Variants in NMT1 observed in about 807,000 individuals in gnomAD.
NMT1 encodes the protein N-myristoyltransferase 1.
In NMT1, 12 loss-of-function variants were observed where a neutral mutation model predicts 63.4. The ratio of observed to expected loss-of-function variants is 0.19; its 90% CI spans 0.12 to 0.31. The LOEUF (loss-of-function observed/expected upper bound fraction) is 0.31, where lower values mean the gene tolerates loss of function less well. Among genes scored for constraint, NMT1 ranks in the 10% least tolerant of loss-of-function variants. The probability of loss-of-function intolerance (pLI) is 1.00; values close to 1 mark genes in which losing one functional copy is unlikely to be tolerated. For synonymous variants in NMT1, 228 were observed against 234.3 expected, an observed-to-expected ratio of 0.97 and a Z score of 0.25; for missense variants, 432 against 634.6, an observed-to-expected ratio of 0.68 and a Z score of 3.43.
Position 45,065,037 on chromosome 17 carries a change from T to C in NMT1, c.131+3577T>C, listed in dbSNP as rs112867928. Among the ~76,000 whole-genome samples the C allele has an allele frequency of 1.7e-3, 252 of 152,302 alleles. 1 individual carries two copies. Among genetic ancestry groups the C allele is most frequent in the African/African-American group, 5.6e-3 (234 of 41,576 alleles). On this transcript the variant is annotated intron_variant, in intron 1 of 11. Coordinates refer to ENST00000258960, the MANE Select transcript of NMT1 (RefSeq NM_021079.5). ...GTAGCTTTTATCGTAACAATAGTTA[T>C]AATAACAATAAATATAACTACATGT...
chr17:45,102,108 G>A (rs2054170282), intron 8 of NMT1, among the ~76,000 whole-genome samples: 1 of 152,200 alleles, frequency 6.6e-6, no homozygotes, highest in African/African-American at 2.4e-5. Flanking sequence ...CTAAAGAGAC[G>A]AGGATTTAGC....
In NMT1 at chr17:45,106,133, C is replaced by T. The variant is rs558645892; in HGVS notation, c.*494C>T. On this transcript the variant is annotated 3_prime_UTR_variant, in exon 12 of 12. Coordinates refer to ENST00000258960, the MANE Select transcript of NMT1 (RefSeq NM_021079.5). ...AGTTCATGGTTTCCTCCAGAGGAGA[C>T]ATTGGCTTATCATGGGGAAAAAGAG... 5.2e-5 allele frequency: 8 copies of T among 152,586 alleles called. No homozygotes were observed. In the South Asian group the frequency reaches 1.7e-3, roughly 32 times the overall value. 9.5% of individuals were successfully genotyped at this position (152,586 alleles called of 1,614,324 possible). A position where few individuals can be genotyped will look rare whatever the true frequency, so the allele number is the denominator to read the frequency against.
rs2054217676 is a variant in NMT1 at position 45,108,416 on chromosome 17, G to A, written c.*2777G>A. 1.3e-5 allele frequency: 2 copies of A among 152,514 alleles called. No individual in the cohort carries two copies. Among genetic ancestry groups the A allele is most frequent in the Non-Finnish European group, 2.9e-5 (2 of 68,072 alleles). 9.4% of individuals were successfully genotyped at this position (152,514 alleles called of 1,614,324 possible). A position where few individuals can be genotyped will look rare whatever the true frequency, so the allele number is the denominator to read the frequency against. On this transcript the variant is annotated 3_prime_UTR_variant, in exon 12 of 12. Coordinates refer to ENST00000258960, the MANE Select transcript of NMT1 (RefSeq NM_021079.5). ...CCCACACCCAGCTACTTTAACACCA[G>A]GTTTATGGAAAATGTCAGGCCTTCC...
intron 1 of NMT1, among the ~76,000 whole-genome samples, chr17:45,062,088 T>C (rs1051270381): frequency 3.3e-5 from 5 of 152,198 alleles, no homozygotes; most frequent in African/African-American, 7.2e-5. Flanking sequence ...TCGAACATCT[T>C]TGCCTTGTTA....
intron 3 of NMT1, among the ~76,000 whole-genome samples, chr17:45,091,190 A>G (rs2054085227): frequency 1.8e-5 from 1 of 55,934 alleles, no homozygotes; most frequent in African/African-American, 1.2e-4. Flanking sequence ...CTTTCCTGAC[A>G]CACACACACA....
chr17:45,089,267 T>C (rs1948971546), intron 3 of NMT1, among the ~76,000 whole-genome samples: 1 of 152,212 alleles, frequency 6.6e-6, no homozygotes, highest in African/African-American at 2.4e-5. Flanking sequence ...GCACTGTGTT[T>C]TTACAGTACT....
At chr17:45,070,479 G>A (rs756771615) in intron 1 of NMT1, among the ~76,000 whole-genome samples, 2 of 152,112 alleles carry the variant, frequency 1.3e-5, no homozygotes, top group African/African-American at 4.8e-5. Context: ...GTACAGTGGC[G>A]CGGTCTTGGC....
rs2054191237 is a variant in NMT1 at position 45,104,631 on chromosome 17, T to C, written c.1333-228T>C. On this transcript the variant is annotated intron_variant, in intron 10 of 11. Transcript: ENST00000258960. The surrounding 1 kb of genome is among the most constrained non-coding windows in gnomAD (Gnocchi z 4.2). ...CCCCGGCCTGGACACTGAGTACATA[T>C]GTGTACACTCTGAGGGACACTGGGC... 1 of 1,390,278 alleles carries C rather than the reference T, an allele frequency of 7.2e-7. No homozygotes were observed. Among genetic ancestry groups the C allele is most frequent in the Non-Finnish European group, 9.3e-7 (1 of 1,071,800 alleles). The allele number at this position is 1,390,278 out of a possible 1,614,324, so 86.1% of individuals were successfully genotyped here. A position where few individuals can be genotyped will look rare whatever the true frequency, so the allele number is the denominator to read the frequency against.
intron 3 of NMT1, among the ~76,000 whole-genome samples, chr17:45,092,547 A>C (rs559082834): frequency 1.3e-5 from 2 of 151,706 alleles, no homozygotes; most frequent in Non-Finnish European, 2.9e-5. Flanking sequence ...AAAAAAAAAA[A>C]ACAAAACACC....
chr17:45,091,918 G>A (rs1026854081), intron 3 of NMT1, among the ~76,000 whole-genome samples: 8 of 152,160 alleles, frequency 5.3e-5, no homozygotes, highest in African/African-American at 1.9e-4. Context: ...CCACTCGAGA[G>A]GCTGAGATGG....
Position 45,093,743 on chromosome 17 carries a change from G to A in NMT1, c.444G>A (p.Glu148=), listed in dbSNP as rs910463482. 4.3e-6 allele frequency: 7 copies of A among 1,614,154 alleles called. No individual in the cohort carries two copies. In the African/African-American group the frequency reaches 5.3e-5, roughly 12 times the overall value. The change falls in exon 4 of 12, where the codon GAG becomes GAA. Residue 148 remains glutamate (E), a synonymous_variant. Transcript: ENST00000258960. ...CTGACAAGGACAATATCCGCCAGGA[G>A]CCCTACACCCTGCCCCAGGGCTTCA... is the stretch of plus-strand genomic sequence containing the variant. ...VEPDKDNIRQ[E]PYTLPQGFTW...
chr17:45,103,265 G>A lies in NMT1; in HGVS notation c.1164+144G>A. The stretch of plus-strand genomic sequence containing the variant: ...TGGTCCTCCCTAAAAACAGGGAGTT[G>A]GTGCTTGAATTTGCTGAAAAGATAC... On this transcript the variant is annotated intron_variant, in intron 9 of 11. Transcript: ENST00000258960. The surrounding 1 kb of genome is among the most constrained non-coding windows in gnomAD (Gnocchi z 4.8). The A allele has an allele frequency of 1.3e-6, 1 of 779,616 alleles. No homozygotes were observed. The highest frequency in any genetic ancestry group is 2.1e-6 in the Non-Finnish European group (1 of 487,628). 48.3% of individuals were successfully genotyped at this position (779,616 alleles called of 1,614,324 possible). A position where few individuals can be genotyped will look rare whatever the true frequency, so the allele number is the denominator to read the frequency against.
chr17:45,083,813 G>C (rs1434223396), intron 2 of NMT1: 1 of 152,016 alleles, frequency 6.6e-6, no homozygotes, highest in East Asian at 1.9e-4. Flanking sequence ...GGGTCTCCCT[G>C]CATTACTCAG....
chr17:45,065,879 CT>C (rs34320617), intron 1 of NMT1, among the ~76,000 whole-genome samples: 472 of 139,774 alleles, frequency 3.4e-3, no homozygotes, highest in Non-Finnish European at 4.2e-3. Context: ...TCTCCTGGGC[CT>C]TTTTTTTTTT....
At chr17:45,076,130 A>G (rs1342457218) in intron 1 of NMT1, among the ~76,000 whole-genome samples, 2 of 152,124 alleles carry the variant, frequency 1.3e-5, no homozygotes, top group African/African-American at 4.8e-5. Context: ...CTGGAGAAGG[A>G]TTAGCCTGGC....
chr17:45,085,984 G>T (rs939546857), intron 2 of NMT1, among the ~76,000 whole-genome samples: 4 of 151,912 alleles, frequency 2.6e-5, no homozygotes, highest in Admixed American at 1.3e-4. Flanking sequence ...GCCATGCCTG[G>T]CTAATTTTTT....
chr17:45,079,856 C>T (rs759941979), intron 1 of NMT1, among the ~76,000 whole-genome samples: 41 of 151,710 alleles, frequency 2.7e-4, no homozygotes, highest in Non-Finnish European at 4.7e-4. Flanking sequence ...CCTGCCACCA[C>T]GCCTGGCTAA....
At chr17:45,099,578 A>C in intron 8 of NMT1, 65 bp downstream of exon 8, 1 of 1,147,574 alleles carries the variant, frequency 8.7e-7, no homozygotes, top group Non-Finnish European at 1.3e-6. Context: ...GGCTGTCAGC[A>C]GGAGAGAAGG....
At chr17:45,063,204 CAAAAAAAAAAAAA>C (rs5820561) in intron 1 of NMT1, among the ~76,000 whole-genome samples, 3 of 79,994 alleles carry the variant, frequency 3.8e-5, no homozygotes, top group Non-Finnish European at 4.8e-5. Flanking sequence ...GACTCCGACT[CAAAAAAAAAAAAA>C]AAAAAAAAAA....
Sources: gnomAD v4.1 joint callset for allele counts (sites outside exome capture counted in the v4.1 genomes callset) on GRCh38, gnomAD v4.1.1 for gene constraint, Gnocchi (gnomAD v3.1) non-coding constraint, MANE v1.5 for transcripts, NCBI Gene and HGNC (gene_info 2026-07-23, HGNC 2026-07-21) for gene names.